HSF2BP: variants seen among roughly 807,000 people sequenced by gnomAD.
HSF2BP encodes heat shock factor 2-binding protein.
HSF2BP carries 35 observed loss-of-function variants against 35.0 expected under a neutral mutation model. The observed-to-expected ratio is 1.00, with a 90% CI of 0.76 to 1.32. The LOEUF (loss-of-function observed/expected upper bound fraction) is 1.32. Among genes scored for constraint, HSF2BP ranks in the 40% most tolerant of loss-of-function variants. The pLI, the probability that HSF2BP is intolerant of heterozygous loss-of-function variation, is 0.00. For synonymous variants in HSF2BP, 114 were observed against 117.4 expected, an observed-to-expected ratio of 0.97 and a Z score of 0.18; for missense variants, 326 against 321.7, an observed-to-expected ratio of 1.01 and a Z score of -0.10.
At chr21:43,579,592 T>C (rs2081695500) in intron 8 of HSF2BP, among the ~76,000 whole-genome samples, 1 of 152,142 alleles carries the variant, frequency 6.6e-6, no homozygotes, top group East Asian at 1.9e-4. Flanking sequence ...CACAAAACTC[T>C]CCTTTCACCA....
At chr21:43,626,940 T>C (rs893922495) in intron 6 of HSF2BP, among the ~76,000 whole-genome samples, 8 of 151,852 alleles carry the variant, frequency 5.3e-5, no homozygotes, top group Non-Finnish European at 1.2e-4. Context: ...CGATCTCAGC[T>C]CACTACAACC....
chr21:43,604,233 CACCACTCACCACTCACACACATCACACAT>C (rs1410730474), intron 7 of HSF2BP, among the ~76,000 whole-genome samples: 42 of 148,840 alleles, frequency 2.8e-4, no homozygotes, highest in African/African-American at 1.0e-3. Context: ...ACACACCACA[CACCACTCACCACTCACACACATCACACAT>C]ACCACACACC....
intron 8 of HSF2BP, among the ~76,000 whole-genome samples, chr21:43,578,528 C>T (rs920539403): frequency 1.3e-5 from 2 of 152,184 alleles, no homozygotes; most frequent in Non-Finnish European, 2.9e-5. Flanking sequence ...CCATTCTACA[C>T]AGACACAACC....
chr21:43,586,018 T>C (rs1360323546), intron 8 of HSF2BP, among the ~76,000 whole-genome samples: 1 of 152,214 alleles, frequency 6.6e-6, no homozygotes, highest in African/African-American at 2.4e-5. Context: ...ATGCTTTGTG[T>C]TACTCAGACA....
chr21:43,501,427 G>A, the HSF2BP span, among the ~76,000 whole-genome samples: 1 of 55,114 alleles, frequency 1.8e-5, no homozygotes, highest in Non-Finnish European at 3.2e-5. Context: ...TTTTTGAGAC[G>A]GAGTCTTGCT....
At chr21:43,590,656 C>A (rs1393228860) in intron 8 of HSF2BP, among the ~76,000 whole-genome samples, 1 of 152,114 alleles carries the variant, frequency 6.6e-6, no homozygotes, top group African/African-American at 2.4e-5. Flanking sequence ...AAAATAATGA[C>A]CTATTAATAG....
intron 6 of HSF2BP, among the ~76,000 whole-genome samples, chr21:43,614,793 A>G (rs945166757): frequency 1.3e-5 from 2 of 152,216 alleles, no homozygotes; most frequent in African/African-American, 4.8e-5. Flanking sequence ...CAAAATCCAA[A>G]ACACTTCTGG....
At chr21:43,652,253 A>C (rs1478771553) in intron 3 of HSF2BP, among the ~76,000 whole-genome samples, 1 of 152,076 alleles carries the variant, frequency 6.6e-6, no homozygotes, top group East Asian at 1.9e-4. Flanking sequence ...AAATACAAAA[A>C]TTAGCCAGGC....
intron 4 of HSF2BP, among the ~76,000 whole-genome samples, chr21:43,642,920 C>T (rs2082658818): frequency 6.6e-6 from 1 of 151,684 alleles, no homozygotes; most frequent in South Asian, 2.1e-4. Flanking sequence ...CTGCCTCAGC[C>T]AGGCTGGTCT....
chr21:43,583,710 ATG>A (rs2081800280), intron 8 of HSF2BP, among the ~76,000 whole-genome samples: 1 of 104,702 alleles, frequency 9.6e-6, no homozygotes, highest in Non-Finnish European at 1.9e-5. Flanking sequence ...TGAGGGAGAT[ATG>A]AAAACCTGCT....
intron 4 of HSF2BP, among the ~76,000 whole-genome samples, chr21:43,643,067 A>G (rs1297938966): frequency 6.6e-6 from 1 of 152,106 alleles, no homozygotes; most frequent in Non-Finnish European, 1.5e-5. Flanking sequence ...AATTTTATAA[A>G]AAGTGTCAGA....
intron 7 of HSF2BP, among the ~76,000 whole-genome samples, chr21:43,599,687 G>A (rs142175255): frequency 0.013 from 1,948 of 151,884 alleles, 43 homozygotes; most frequent in African/African-American, 0.043. Flanking sequence ...CCAGCTACTC[G>A]GGAGGCTGAG....
At chr21:43,573,897 G>T (rs1303625668) in intron 8 of HSF2BP, among the ~76,000 whole-genome samples, 1 of 152,194 alleles carries the variant, frequency 6.6e-6, no homozygotes, top group Non-Finnish European at 1.5e-5. Context: ...ACCTCGTGAT[G>T]AGTAGTTTCG....
At chr21:43,599,546 C>T (rs2082026270) in intron 7 of HSF2BP, among the ~76,000 whole-genome samples, 1 of 152,118 alleles carries the variant, frequency 6.6e-6, no homozygotes, top group African/African-American at 2.4e-5. Flanking sequence ...GTAATCCCAG[C>T]ACTTTGGGAG....
At chr21:43,634,263 C>G (rs2082523029) in intron 4 of HSF2BP, among the ~76,000 whole-genome samples, 1 of 152,144 alleles carries the variant, frequency 6.6e-6, no homozygotes, top group Non-Finnish European at 1.5e-5. Flanking sequence ...GTCCTGATGG[C>G]CCTCCTGACA....
chr21:43,593,237 A>G (rs79127254), intron 7 of HSF2BP, among the ~76,000 whole-genome samples: 6,000 of 152,172 alleles, frequency 0.039, 416 homozygotes, highest in African/African-American at 0.14. Flanking sequence ...CAGAAACCAG[A>G]AGAGAGGAAA....
intron 7 of HSF2BP, among the ~76,000 whole-genome samples, chr21:43,594,074 A>T (rs2081957711): frequency 6.6e-6 from 1 of 152,214 alleles, no homozygotes; most frequent in Admixed American, 6.5e-5. Context: ...GAGTAATTAC[A>T]CCAAAAGCTG....
At chr21:43,630,300 T>G in intron 6 of HSF2BP, 22 bp downstream of exon 6, 1 of 1,598,028 alleles carries the variant, frequency 6.3e-7, no homozygotes, top group Non-Finnish European at 8.5e-7. Context: ...AGGCAACATC[T>G]CTCAGGTGCG....
chr21:43,633,182 C>A, intron 5 of HSF2BP, 90 bp downstream of exon 5: 1 of 1,360,310 alleles, frequency 7.4e-7, no homozygotes, highest in South Asian at 1.5e-5. Flanking sequence ...AAGATATGGA[C>A]TTAGTCTTTA....
Sources: allele counts gnomAD v4.1 joint callset (sites outside exome capture counted in the v4.1 genomes callset), GRCh38; gene constraint gnomAD v4.1.1; transcripts MANE v1.5; gene names NCBI Gene and HGNC (gene_info 2026-07-23, HGNC 2026-07-21).